CNPY1: variants seen among roughly 807,000 people sequenced by gnomAD.
CNPY1 encodes canopy FGF signaling regulator 1.
Under a neutral mutation model 14.4 loss-of-function variants are expected in CNPY1, and 14 were observed. That is an observed-to-expected ratio of 0.97 (90% CI 0.64 to 1.52). The LOEUF (loss-of-function observed/expected upper bound fraction) is 1.52. Ranked by LOEUF, CNPY1 falls within the 40% of genes most tolerant of loss-of-function variation. CNPY1 has a pLI of 0.00. For missense variants in CNPY1, 129 were observed against 131.5 expected (o/e 0.98, Z 0.09); for synonymous variants, 43 against 46.5 (o/e 0.92, Z 0.31).
At chr7:155,539,815 G>A (rs147657437) in intron 2 of CNPY1, among the ~76,000 whole-genome samples, 5 of 152,334 alleles carry the variant, frequency 3.3e-5, no homozygotes, top group East Asian at 1.9e-4. Flanking sequence ...GTGGGGGCCC[G>A]TGGGCCATTT....
intron 2 of CNPY1, among the ~76,000 whole-genome samples, chr7:155,543,773 C>T (rs983792461): frequency 6.6e-6 from 1 of 152,182 alleles, no homozygotes; most frequent in Non-Finnish European, 1.5e-5. Context: ...GAGAAGTCTC[C>T]GTGTGATGCT....
At chr7:155,535,159 A>T (rs1205938916) in intron 2 of CNPY1, among the ~76,000 whole-genome samples, 2 of 152,214 alleles carry the variant, frequency 1.3e-5, no homozygotes, top group African/African-American at 4.8e-5. Context: ...CCCTAATGCC[A>T]AATCCAACAT....
chr7:155,523,800 T>C (rs561305642), intron 2 of CNPY1, among the ~76,000 whole-genome samples: 2 of 152,296 alleles, frequency 1.3e-5, no homozygotes, highest in South Asian at 2.1e-4. Context: ...TCTTTGCAGA[T>C]ACACTCAGCT....
At chr7:155,526,465 A>G (rs994850191) in intron 2 of CNPY1, among the ~76,000 whole-genome samples, 19 of 152,314 alleles carry the variant, frequency 1.2e-4, no homozygotes, top group Middle Eastern at 3.4e-3. Flanking sequence ...CCGCACACAG[A>G]TCACAGCCAG....
intron 2 of CNPY1, among the ~76,000 whole-genome samples, chr7:155,540,616 C>T (rs1797073123): frequency 6.6e-6 from 1 of 152,260 alleles, no homozygotes; most frequent in South Asian, 2.1e-4. Flanking sequence ...CGAGGCCTTG[C>T]TCTCACACTC....
At chr7:155,521,841 G>T (rs1796731258) in intron 2 of CNPY1, among the ~76,000 whole-genome samples, 1 of 152,216 alleles carries the variant, frequency 6.6e-6, no homozygotes, top group South Asian at 2.1e-4. Context: ...TAGAGAAGAT[G>T]CTTGCCAGGT....
intron 2 of CNPY1, among the ~76,000 whole-genome samples, chr7:155,532,861 G>T (rs1796964625): frequency 6.6e-6 from 1 of 152,000 alleles, no homozygotes; most frequent in South Asian, 2.1e-4. Context: ...GTGCCTCGCC[G>T]TCTCCTGGCT....
intron 2 of CNPY1, among the ~76,000 whole-genome samples, chr7:155,539,686 G>A (rs888230401): frequency 7.2e-5 from 11 of 152,128 alleles, no homozygotes; most frequent in African/African-American, 1.4e-4. Flanking sequence ...ACAGATTAAC[G>A]GGGGGAAAAA....
At chr7:155,515,454 C>A (rs926097653) in intron 2 of CNPY1, among the ~76,000 whole-genome samples, 1 of 152,174 alleles carries the variant, frequency 6.6e-6, no homozygotes, top group Non-Finnish European at 1.5e-5. Flanking sequence ...CCATGGGAGA[C>A]GCCTCACCCA....
chr7:155,521,760 C>T (rs1223666215), intron 2 of CNPY1, among the ~76,000 whole-genome samples: 2 of 152,212 alleles, frequency 1.3e-5, no homozygotes, highest in African/African-American at 4.8e-5. Flanking sequence ...CCCACATTTG[C>T]GTACTGTCCC....
intron 1 of CNPY1, 118 bp downstream of exon 1, chr7:155,546,311 G>A (rs55659512): frequency 0.19 from 71,677 of 386,662 alleles, 6,845 homozygotes; most frequent in Non-Finnish European, 0.21. Context: ...TTCCACCTCC[G>A]AGTAGCTTGG....
chr7:155,504,689 AACACACACACACAC>A (rs61377945), intron 4 of CNPY1, among the ~76,000 whole-genome samples: 7 of 145,282 alleles, frequency 4.8e-5, no homozygotes, highest in African/African-American at 1.3e-4. Context: ...CATACCCCCC[AACACACACACACAC>A]ACACACACAC....
intron 2 of CNPY1, among the ~76,000 whole-genome samples, chr7:155,531,920 G>A (rs868863895): frequency 1.2e-4 from 19 of 152,338 alleles, no homozygotes; most frequent in African/African-American, 4.3e-4. Flanking sequence ...ACAGCAAGAA[G>A]CCCCGAGCAA....
At chr7:155,504,377 T>C (rs956689648) in intron 4 of CNPY1, among the ~76,000 whole-genome samples, 1 of 152,180 alleles carries the variant, frequency 6.6e-6, no homozygotes. Flanking sequence ...TTTTTGTGTA[T>C]TGGTGAATGT....
chr7:155,529,294 C>T (rs1208291536), intron 2 of CNPY1, among the ~76,000 whole-genome samples: 1 of 152,192 alleles, frequency 6.6e-6, no homozygotes, highest in Non-Finnish European at 1.5e-5. Context: ...GAGCCTCCAA[C>T]CATCCACGTG....
At chr7:155,523,404 G>C (rs550480635) in intron 2 of CNPY1, among the ~76,000 whole-genome samples, 6 of 152,306 alleles carry the variant, frequency 3.9e-5, no homozygotes, top group Non-Finnish European at 7.4e-5. Flanking sequence ...TCAATGTTAG[G>C]GTTTGTTTCC....
chr7:155,508,361 A>G (rs1040964720), intron 3 of CNPY1, among the ~76,000 whole-genome samples: 5 of 152,164 alleles, frequency 3.3e-5, no homozygotes, highest in Admixed American at 6.5e-5. Context: ...TCAGGATACA[A>G]TTCTCCCTCC....
intron 2 of CNPY1, among the ~76,000 whole-genome samples, chr7:155,525,125 T>G (rs960048820): frequency 6.6e-6 from 1 of 152,222 alleles, no homozygotes; most frequent in African/African-American, 2.4e-5. Flanking sequence ...TCAGGAATCT[T>G]GAATCGCCTG....
At chr7:155,525,639 A>C (rs1225042607) in intron 2 of CNPY1, among the ~76,000 whole-genome samples, 4 of 152,212 alleles carry the variant, frequency 2.6e-5, no homozygotes, top group African/African-American at 7.2e-5. Context: ...GCCCACACCC[A>C]ACAGGGCTTA....
Sources: allele counts gnomAD v4.1 joint callset (sites outside exome capture counted in the v4.1 genomes callset), GRCh38; gene constraint gnomAD v4.1.1; transcripts MANE v1.5; gene names NCBI Gene and HGNC (gene_info 2026-07-23, HGNC 2026-07-21).